The following FNIP2 variants were observed in gnomAD, a reference collection of about 807,000 sequenced individuals.
FNIP2 encodes folliculin-interacting protein 2.
In FNIP2, 32 loss-of-function variants were observed where a neutral mutation model predicts 108.7. That is an observed-to-expected ratio of 0.29 (90% CI 0.22 to 0.40). The LOEUF is 0.40. FNIP2 is among the 10% of genes least tolerant of loss of function. The pLI is 1.00. For missense variants in FNIP2, 1,202 were observed against 1,381.6 expected, an observed-to-expected ratio of 0.87 and a Z score of 2.06; for synonymous variants, 480 against 496.7, an observed-to-expected ratio of 0.97 and a Z score of 0.45.
chr4:158,829,040 C>T (rs758301683), intron 2 of FNIP2, 39 bp from the exon 3 acceptor site: 162 of 1,519,026 alleles, frequency 1.1e-4, no homozygotes, highest in Middle Eastern at 2.0e-4. Context: ...ACCTGATATA[C>T]TTAGTAATCT....
intron 16 of FNIP2, among the ~76,000 whole-genome samples, chr4:158,901,097 A>C (rs1173884566): frequency 7.2e-6 from 1 of 139,230 alleles, no homozygotes; most frequent in Non-Finnish European, 1.6e-5. Context: ...TGTGAAGCTT[A>C]GTTTGGCTGG....
intron 1 of FNIP2, among the ~76,000 whole-genome samples, chr4:158,809,407 C>T (rs1350275136): frequency 6.6e-6 from 1 of 152,108 alleles, no homozygotes; most frequent in Non-Finnish European, 1.5e-5. Flanking sequence ...TGCAGTGAGC[C>T]GAGATCGTGC....
intron 7 of FNIP2, among the ~76,000 whole-genome samples, chr4:158,851,010 C>T (rs530247538): frequency 6.6e-6 from 1 of 152,080 alleles, no homozygotes; most frequent in Admixed American, 6.6e-5. Flanking sequence ...ATTATAGTCT[C>T]CCCCTGCTGG....
chr4:158,778,476 G>C (rs1244459817), intron 1 of FNIP2, among the ~76,000 whole-genome samples: 2 of 152,114 alleles, frequency 1.3e-5, no homozygotes, highest in African/African-American at 2.4e-5. Context: ...AATCTCCACT[G>C]TCACTTCATC....
chr4:158,823,037 G>T (rs1486769250), intron 1 of FNIP2, among the ~76,000 whole-genome samples: 1 of 151,988 alleles, frequency 6.6e-6, no homozygotes, highest in Non-Finnish European at 1.5e-5. Flanking sequence ...TTCTAAAGTA[G>T]CTGTTTTCAG....
chr4:158,896,994 C>T (rs1782748746), intron 16 of FNIP2, among the ~76,000 whole-genome samples: 2 of 152,024 alleles, frequency 1.3e-5, no homozygotes, highest in African/African-American at 4.8e-5. Flanking sequence ...ATCCCACCCC[C>T]AGCCCCCCAC....
intron 3 of FNIP2, among the ~76,000 whole-genome samples, chr4:158,831,227 A>C (rs533877305): frequency 1.4e-4 from 21 of 152,284 alleles, no homozygotes; most frequent in South Asian, 6.2e-4. Flanking sequence ...CTAAGAGGTA[A>C]AGTCAGGCTG....
intron 1 of FNIP2, among the ~76,000 whole-genome samples, chr4:158,817,700 G>A (rs1313832527): frequency 2.6e-5 from 4 of 152,114 alleles, no homozygotes; most frequent in Non-Finnish European, 4.4e-5. Flanking sequence ...GGCGCCCACC[G>A]CCATGCCTGG....
At chr4:158,881,028 G>A (rs1310148486) in intron 14 of FNIP2, among the ~76,000 whole-genome samples, 2 of 152,194 alleles carry the variant, frequency 1.3e-5, no homozygotes, top group Non-Finnish European at 2.9e-5. Context: ...TCATGGTGCT[G>A]TAACATAAGG....
At position 158,832,060 on chromosome 4, in the gene FNIP2, T is replaced by C; in HGVS notation, c.483-7T>C. On this transcript the variant is annotated splice_polypyrimidine_tract_variant and splice_region_variant and intron_variant, in intron 4 of 16. Coordinates refer to ENST00000264433, the MANE Select transcript of FNIP2 (RefSeq NM_020840.3). ...ATTTTTCCCCTCTCCTTTTTTCCCC[T>C]CCACAGTTCTCCTCCACAACTGATG... The C allele has an allele frequency of 6.2e-7, 1 of 1,613,214 alleles. No individual in the cohort carries two copies. The highest frequency in any genetic ancestry group is 8.5e-7 in the Non-Finnish European group (1 of 1,179,360).
At chr4:158,872,903 A>T (rs894598357) in intron 14 of FNIP2, among the ~76,000 whole-genome samples, 14 of 152,190 alleles carry the variant, frequency 9.2e-5, no homozygotes, top group African/African-American at 2.9e-4. Context: ...AGAAGCAGAG[A>T]TCCAAAAACA....
chr4:158,795,025 G>A (rs1480995741), intron 1 of FNIP2, among the ~76,000 whole-genome samples: 1 of 152,164 alleles, frequency 6.6e-6, no homozygotes, highest in Non-Finnish European at 1.5e-5. Context: ...ATAAAATGAA[G>A]TCAACATTTA....
chr4:158,849,340 G>C (rs1779574390), intron 7 of FNIP2, among the ~76,000 whole-genome samples: 1 of 152,172 alleles, frequency 6.6e-6, no homozygotes, highest in Non-Finnish European at 1.5e-5. Context: ...AGACAGACTT[G>C]ACTTCTGAGG....
At position 158,848,587 on chromosome 4, in the gene FNIP2, A is replaced by G. The variant is rs906130809; in HGVS notation, c.728-2734A>G. 2.0e-5 allele frequency among the ~76,000 whole-genome samples: 3 copies of G among 152,192 alleles called. No individual in the cohort carries two copies. The East Asian group carries it at 5.8e-4, about 29-fold the overall frequency. On this transcript the variant is annotated intron_variant, in intron 7 of 16. Transcript: ENST00000264433. ...GACACTGACTGACATCTACAAGCAT[A>G]AAGACCATCCAGGATCACGTTACCT...
intron 6 of FNIP2, chr4:158,834,288 T>TTCTCTCTATCTC (rs1778654141): frequency 1.6e-5 from 1 of 63,220 alleles, no homozygotes. Context: ...CATGGAAGAC[T>TTCTCTCTATCTC]TCTCTCTCTC....
At chr4:158,777,815 T>C (rs1371416687) in intron 1 of FNIP2, among the ~76,000 whole-genome samples, 1 of 152,240 alleles carries the variant, frequency 6.6e-6, no homozygotes, top group Non-Finnish European at 1.5e-5. Context: ...CATGAAATTA[T>C]GATTTTATTT....
At chr4:158,823,813 C>T (rs796936194) in intron 1 of FNIP2, among the ~76,000 whole-genome samples, 2 of 152,316 alleles carry the variant, frequency 1.3e-5, no homozygotes, top group African/African-American at 4.8e-5. Context: ...GGGGCTGGCT[C>T]ACACAGCCAG....
intron 1 of FNIP2, among the ~76,000 whole-genome samples, chr4:158,820,018 C>A (rs1777792920): frequency 1.3e-5 from 2 of 152,176 alleles, no homozygotes; most frequent in South Asian, 4.1e-4. Flanking sequence ...AGAATGCTTG[C>A]CAAGTAGTAG....
intron 1 of FNIP2, among the ~76,000 whole-genome samples, chr4:158,820,073 T>G (rs909820179): frequency 6.6e-6 from 1 of 152,244 alleles, no homozygotes; most frequent in African/African-American, 2.4e-5. Context: ...TTTGCCAGTT[T>G]TTGTTGTCAT....
Sources: allele counts gnomAD v4.1 joint callset (sites outside exome capture counted in the v4.1 genomes callset), GRCh38; gene constraint gnomAD v4.1.1; transcripts MANE v1.5; gene names NCBI Gene and HGNC (gene_info 2026-07-23, HGNC 2026-07-21).